AHNAK: variants seen among roughly 807,000 people sequenced by gnomAD.
The protein encoded by AHNAK is neuroblast differentiation-associated protein AHNAK.
Under a neutral mutation model 37.8 loss-of-function variants are expected in AHNAK, and 23 were observed. The observed-to-expected ratio is 0.61, with a 90% confidence interval of 0.44 to 0.86. The LOEUF (loss-of-function observed/expected upper bound fraction) is 0.86, where lower values mean the gene tolerates loss of function less well. Ranked by LOEUF, AHNAK falls within the 40% of genes least tolerant of loss-of-function variation. The probability of loss-of-function intolerance (pLI) is 0.00; values close to 1 mark genes in which losing one functional copy is unlikely to be tolerated. For missense variants in AHNAK, 7,411 were observed against 7,319.4 expected, an observed-to-expected ratio of 1.01 and a Z score of -0.46; for synonymous variants, 2,481 against 2,636.3, an observed-to-expected ratio of 0.94 and a Z score of 1.80.
rs760202598 is a variant in AHNAK at position 62,518,173 on chromosome 11, G to A, written c.16244C>T (p.Thr5415Ile). ...ATTGACGTGCAAGTCGGACCCCGGA[G>A]TAGAGATGCCAAATTGGGGCAGCTT... ...KMKLPQFGIS[T>I]PGSDLHVNAK... is the part of the protein sequence containing the mutation. Residue 5415 changes from threonine to isoleucine, a missense_variant, in exon 5 of 5, where the codon ACT (threonine) becomes ATT (isoleucine). Coordinates refer to ENST00000378024, the MANE Select transcript of AHNAK (RefSeq NM_001620.3). 3.7e-6 allele frequency: 6 copies of A among 1,614,066 alleles called. No individual in the cohort carries two copies. The Admixed American group carries it at 8.3e-5, about 22-fold the overall frequency.
chr11:62,521,519 T>A lies in AHNAK; in HGVS notation c.12898A>T (p.Ile4300Phe). 1 of 1,613,084 alleles carries A rather than the reference T, an allele frequency of 6.2e-7. No individual in the cohort carries two copies. Among genetic ancestry groups the A allele is most frequent in the African/African-American group, 1.3e-5 (1 of 74,626 alleles). ...EVDIKGPKVD[I>F]DAPDVDVHGP... ...TGAACATCTACATCAGGGGCATCGATGTCCACTTTGGGGCCCTTGATGTCA... is the reference window on the plus strand; with the variant it reads ...TGAACATCTACATCAGGGGCATCGAAGTCCACTTTGGGGCCCTTGATGTCA... Residue 4300 changes from isoleucine to phenylalanine, a missense_variant, in exon 5 of 5, where the codon ATC becomes TTC. Transcript: ENST00000378024.
At chr11:62,452,422 T>C (rs536512363) in intron 5 of AHNAK, among the ~76,000 whole-genome samples, 105 of 152,292 alleles carry the variant, frequency 6.9e-4, no homozygotes, top group African/African-American at 2.5e-3. Flanking sequence ...GGGTCTATGC[T>C]GTGATTCCAC....
At position 62,523,632 on chromosome 11, in the gene AHNAK, A is replaced by C; in HGVS notation, c.10785T>G (p.Gly3595=). The C allele has an allele frequency of 6.2e-7, 1 of 1,613,912 alleles. No individual in the cohort carries two copies. The highest frequency in any genetic ancestry group is 8.5e-7 in the Non-Finnish European group (1 of 1,179,932). The stretch of plus-strand genomic sequence containing the variant: ...TGGGCATCTTCAGATGCCAGTCTGG[A>C]CCATGAACATCCACATCTGGGGCAT... ...DINAPDVDVH[G]PDWHLKMPKV... The change falls in exon 5 of 5, where the codon GGT becomes GGG. Residue 3595 remains glycine, a synonymous_variant. Coordinates refer to ENST00000378024, the MANE Select transcript of AHNAK (RefSeq NM_001620.3).
intron 1 of AHNAK, among the ~76,000 whole-genome samples, chr11:62,544,489 AC>A (rs1341750710): frequency 6.6e-6 from 1 of 151,786 alleles, no homozygotes; most frequent in Non-Finnish European, 1.5e-5. Flanking sequence ...GGGCTCAGAC[AC>A]CCTCTAACCC....
intron 5 of AHNAK, among the ~76,000 whole-genome samples, chr11:62,446,597 A>C (rs1029673390): frequency 1.3e-5 from 2 of 152,066 alleles, no homozygotes; most frequent in African/African-American, 2.4e-5. Context: ...CAATCTCTAA[A>C]TGAGCCCACT....
intron 5 of AHNAK, among the ~76,000 whole-genome samples, chr11:62,450,265 C>A (rs1590590283): frequency 1.3e-5 from 2 of 152,156 alleles, no homozygotes; most frequent in Middle Eastern, 3.4e-3. Flanking sequence ...TCAAGCAATT[C>A]TCCTGCCTCA....
At chr11:62,443,966 C>T (rs146812653) in intron 5 of AHNAK, among the ~76,000 whole-genome samples, 3 of 152,316 alleles carry the variant, frequency 2.0e-5, no homozygotes, top group East Asian at 1.9e-4. Context: ...GCTGAGAGTC[C>T]TCTCAGTCAT....
intron 5 of AHNAK, among the ~76,000 whole-genome samples, chr11:62,488,565 ATT>A (rs57544040): frequency 5.7e-4 from 76 of 133,872 alleles, no homozygotes; most frequent in African/African-American, 1.4e-3. Flanking sequence ...TGCCCAGCTA[ATT>A]TTTTTTTTTT....
At chr11:62,442,937 G>A (rs943691482) in intron 5 of AHNAK, among the ~76,000 whole-genome samples, 5 of 152,000 alleles carry the variant, frequency 3.3e-5, no homozygotes, top group Admixed American at 2.0e-4. Flanking sequence ...GCACCTGGGT[G>A]ACCTAAGCCT....
intron 5 of AHNAK, among the ~76,000 whole-genome samples, chr11:62,463,457 T>TCCTCCAGCCTCCAGCCTCCAG (rs11280639): frequency 6.6e-6 from 1 of 150,554 alleles, no homozygotes; most frequent in Non-Finnish European, 1.5e-5. Context: ...CTCTCCTCCA[T>TCCTCCAGCCTCCAGCCTCCAG]CCTCCAGCCT....
At chr11:62,487,997 G>A (rs936581328) in intron 5 of AHNAK, among the ~76,000 whole-genome samples, 1 of 152,196 alleles carries the variant, frequency 6.6e-6, no homozygotes, top group Non-Finnish European at 1.5e-5. Flanking sequence ...CTGGCAAGGA[G>A]AACTATAATC....
In AHNAK at chr11:62,531,372, C is replaced by A. The variant is rs114298839; in HGVS notation, c.3045G>T (p.Gly1015=). The change falls in exon 5 of 5, where the codon GGG becomes GGT. Residue 1015 remains glycine, a synonymous_variant. Coordinates refer to ENST00000378024, the MANE Select transcript of AHNAK (RefSeq NM_001620.3). ...KFSMPSLKGE[G]PEFDVNLSKA... is the part of the protein sequence containing the mutation. ...TGGACAGGTTCACATCAAATTCTGGCCCCTCTCCTTTGAGGCTGGGCATGC... is the reference window on the plus strand; with the variant it reads ...TGGACAGGTTCACATCAAATTCTGGACCCTCTCCTTTGAGGCTGGGCATGC... The A allele has an allele frequency of 1.2e-6, 2 of 1,611,366 alleles. No individual in the cohort carries two copies. The highest frequency in any genetic ancestry group is 1.7e-6 in the Non-Finnish European group (2 of 1,179,186).
Position 62,535,205 on chromosome 11 carries a change from G to A in AHNAK, c.155-15C>T. 1 of 1,600,010 alleles carries A rather than the reference G, an allele frequency of 6.2e-7. No homozygotes were observed. Among genetic ancestry groups the A allele is most frequent in the Non-Finnish European group, 8.6e-7 (1 of 1,168,390 alleles). On this transcript the variant is annotated splice_polypyrimidine_tract_variant and intron_variant, in intron 3 of 4. Transcript: ENST00000378024. ...AATCTGGTCCCCTGAGCAGGGAAGA[G>A]CAGGAAGCAGGTAAGGCCCAAAGAG...
chr11:62,527,371 T>C lies in AHNAK; in HGVS notation c.7046A>G (p.Lys2349Arg), dbSNP rs139274455. Residue 2349 changes from lysine (K) to arginine (R), a missense_variant, in exon 5 of 5, where the codon AAA (lysine) becomes AGA (arginine). Lys to Arg is a conservative substitution (Grantham distance 26). Transcript: ENST00000378024. ...GELKGPELDVKGPKLDADMPE... is the reference protein window; with the variant it reads ...GELKGPELDVRGPKLDADMPE... ...CATGTCAGCATCTAATTTGGGACCT[T>C]TGACATCCAATTCTGGACCTTTTAA... The C allele has an allele frequency of 3.7e-6, 6 of 1,614,054 alleles. No homozygotes were observed. In the African/African-American group the frequency reaches 4.0e-5, roughly 11 times the overall value.
chr11:62,531,567 A>G lies in AHNAK; in HGVS notation c.2850T>C (p.Asp950=). ...NIKAPKISMP[D]VDLHMKGPKV... ...TAGGACCTTTCATATGCAAGTCCAC[A>G]TCAGGCATGGAGATCTTGGGGGCCT... is the stretch of plus-strand genomic sequence containing the variant. Residue 950 remains aspartate (D), a synonymous_variant, in exon 5 of 5, where the codon GAT becomes GAC. Transcript: ENST00000378024. 1.2e-6 allele frequency: 2 copies of G among 1,614,202 alleles called. No homozygotes were observed. Among genetic ancestry groups the G allele is most frequent in the Non-Finnish European group, 1.7e-6 (2 of 1,180,032 alleles).
intron 5 of AHNAK, among the ~76,000 whole-genome samples, chr11:62,458,355 C>T (rs772524154): frequency 3.5e-4 from 53 of 151,892 alleles, no homozygotes; most frequent in Non-Finnish European, 3.7e-4. Context: ...TTCAGTGGGC[C>T]TTAGGGACGG....
Position 62,446,755 on chromosome 11 carries a change from G to A in AHNAK, c.443-12864C>T, listed in dbSNP as rs1938429547. ...ATCCAGTGACAACCACCACCTCCTG[G>A]GCACTCGATGCCACCTCCATGCCTC... is the stretch of plus-strand genomic sequence containing the variant. On this transcript the variant is annotated intron_variant, in intron 5 of 5. Coordinates refer to the AHNAK transcript ENST00000257247. Among the ~76,000 whole-genome samples, 4 of 151,710 alleles carry A rather than the reference G, an allele frequency of 2.6e-5. No homozygotes were observed. The South Asian group carries it at 8.3e-4, about 32-fold the overall frequency.
chr11:62,541,760 G>A (rs1941131595), intron 1 of AHNAK: 1 of 152,224 alleles, frequency 6.6e-6, no homozygotes, highest in Admixed American at 6.5e-5. Context: ...GCAGGCCCAA[G>A]AGATAAGATG....
chr11:62,524,358 C>T lies in AHNAK; in HGVS notation c.10059G>A (p.Lys3353=). ...AGCCCGAAAAATTAAATTTGGGAAG[C>T]TTAAAACGAGATTTCTTTGACTTGC... ...IEGKSKKSRF[K]LPKFNFSGSK... Residue 3353 remains lysine (K), a synonymous_variant, in exon 5 of 5, where the codon AAG becomes AAA. Transcript: ENST00000378024. 6.2e-7 allele frequency: 1 copy of T among 1,613,148 alleles called. No homozygotes were observed. Among genetic ancestry groups the T allele is most frequent in the Non-Finnish European group, 8.5e-7 (1 of 1,179,790 alleles).
Sources: allele counts gnomAD v4.1 joint callset (sites outside exome capture counted in the v4.1 genomes callset), GRCh38; gene constraint gnomAD v4.1.1; transcripts MANE v1.5; gene names NCBI Gene and HGNC (gene_info 2026-07-23, HGNC 2026-07-21).